VCAN: variants seen among roughly 807,000 people sequenced by gnomAD.
The protein encoded by VCAN is versican core protein.
Under a neutral mutation model 245.5 loss-of-function variants are expected in VCAN, and 44 were observed. The ratio of observed to expected loss-of-function variants is 0.18; its 90% CI spans 0.14 to 0.23. VCAN has a LOEUF of 0.23. Ranked by LOEUF, VCAN falls within the 10% of genes least tolerant of loss-of-function variation. The probability of loss-of-function intolerance (pLI) is 1.00; values close to 1 mark genes in which losing one functional copy is unlikely to be tolerated. For synonymous variants in VCAN, 1,413 were observed against 1,437.0 expected (o/e 0.98, Z 0.38); for missense variants, 3,793 against 4,057.9 (o/e 0.93, Z 1.77).
chr5:83,517,707 A>G (rs923852075), intron 6 of VCAN, among the ~76,000 whole-genome samples: 1 of 152,184 alleles, frequency 6.6e-6, no homozygotes, highest in Non-Finnish European at 1.5e-5. Context: ...AGGGGAGGAA[A>G]AGGTTATTTA....
chr5:83,530,879 G>A (rs1251368897), intron 7 of VCAN, among the ~76,000 whole-genome samples: 1 of 152,086 alleles, frequency 6.6e-6, no homozygotes, highest in Non-Finnish European at 1.5e-5. Context: ...GGGGCATCAT[G>A]TGGTCATCTG....
At chr5:83,573,687 A>C (rs2112501402) in intron 13 of VCAN, among the ~76,000 whole-genome samples, 1 of 152,318 alleles carries the variant, frequency 6.6e-6, no homozygotes, top group African/African-American at 2.4e-5. Flanking sequence ...ATTTTCAAGC[A>C]TAAGCACTCA....
chr5:83,485,033 C>A (rs1044251812), intron 2 of VCAN, among the ~76,000 whole-genome samples: 7 of 152,088 alleles, frequency 4.6e-5, no homozygotes, highest in African/African-American at 1.7e-4. Context: ...TAATAACACC[C>A]AAAACTTGAA....
intron 12 of VCAN, among the ~76,000 whole-genome samples, chr5:83,570,225 A>T (rs1748238217): frequency 6.6e-6 from 1 of 151,618 alleles, no homozygotes; most frequent in African/African-American, 2.4e-5. Context: ...TCACTTCTGG[A>T]TTAGGTTTTT....
chr5:83,494,051 T>G, intron 5 of VCAN, 120 bp downstream of exon 5: 2 of 1,512,974 alleles, frequency 1.3e-6, no homozygotes, highest in Non-Finnish European at 1.8e-6. Context: ...GGCATTTTGT[T>G]TATACGACTG....
intron 9 of VCAN, among the ~76,000 whole-genome samples, chr5:83,547,479 TA>T (rs1462205479): frequency 2.6e-5 from 4 of 152,132 alleles, no homozygotes; most frequent in Admixed American, 1.3e-4. Context: ...TGACTGTGTC[TA>T]AAAAAGATGA....
At chr5:83,556,203 CACCTGTTTTACAG>C (rs756279849) in intron 12 of VCAN, among the ~76,000 whole-genome samples, 3 of 152,132 alleles carry the variant, frequency 2.0e-5, no homozygotes, top group Non-Finnish European at 4.4e-5. Flanking sequence ...GGTTTTCCTT[CACCTGTTTTACAG>C]GTAAAGAAAG....
At position 83,538,220 on chromosome 5, in the gene VCAN, G is replaced by C; in HGVS notation, c.5217G>C (p.Glu1739Asp). ...EGTTGTASTFEVYSSTQRSDQ... is the reference protein window; with the variant it reads ...EGTTGTASTFDVYSSTQRSDQ... ...CTACAGGTACGGCTTCTACATTTGA[G>C]GTATATTCATCTACACAGAGATCGG... The change falls in exon 8 of 15, where the codon GAG becomes GAC. Residue 1739 changes from glutamate to aspartate, a missense_variant. Coordinates refer to ENST00000265077, the MANE Select transcript of VCAN (RefSeq NM_004385.5). The C allele has an allele frequency of 6.2e-7, 1 of 1,613,208 alleles. No homozygotes were observed. The highest frequency in any genetic ancestry group is 8.5e-7 in the Non-Finnish European group (1 of 1,179,772).
In VCAN at chr5:83,540,755, A is replaced by G; in HGVS notation, c.7752A>G (p.Lys2584=). ...KNTIIDIDHT[K]PVYEDILGMQ... ...CTATCATAGATATTGATCATACTAAACCTGTGTATGAAGACATTCTTGGAA... is the reference window on the plus strand; with the variant it reads ...CTATCATAGATATTGATCATACTAAGCCTGTGTATGAAGACATTCTTGGAA... The change falls in exon 8 of 15, where the codon AAA becomes AAG. Residue 2584 remains lysine, a synonymous_variant. Transcript: ENST00000265077. The G allele has an allele frequency of 6.2e-7, 1 of 1,613,950 alleles. No homozygotes were observed. The highest frequency in any genetic ancestry group is 8.5e-7 in the Non-Finnish European group (1 of 1,179,938).
chr5:83,550,755 CG>C (rs1747428578), intron 10 of VCAN, among the ~76,000 whole-genome samples: 1 of 151,706 alleles, frequency 6.6e-6, no homozygotes, highest in South Asian at 2.1e-4. Context: ...GGTGTGGTGG[CG>C]GGTGCCTGTA....
At chr5:83,533,439 G>A (rs1746597545) in intron 7 of VCAN, among the ~76,000 whole-genome samples, 1 of 152,118 alleles carries the variant, frequency 6.6e-6, no homozygotes. Context: ...GGGGCAAGGA[G>A]AGACTTGGAA....
chr5:83,571,951 A>G (rs1748304300), intron 12 of VCAN, among the ~76,000 whole-genome samples: 1 of 152,190 alleles, frequency 6.6e-6, no homozygotes, highest in Non-Finnish European at 1.5e-5. Context: ...AAGTTACTTT[A>G]TAGTAGTACA....
At chr5:83,567,932 A>G (rs1005253247) in intron 12 of VCAN, among the ~76,000 whole-genome samples, 5 of 152,192 alleles carry the variant, frequency 3.3e-5, no homozygotes, top group African/African-American at 1.2e-4. Flanking sequence ...ATTCAAAGTG[A>G]AAAATAAAGA....
intron 12 of VCAN, among the ~76,000 whole-genome samples, chr5:83,559,924 CTAAAT>C (rs1387046037): frequency 6.6e-6 from 1 of 151,014 alleles, no homozygotes; most frequent in Admixed American, 6.6e-5. Context: ...CATTTTTTGC[CTAAAT>C]TAAAGATTTT....
chr5:83,513,019 C>T (rs1194506085), intron 6 of VCAN: 1 of 152,282 alleles, frequency 6.6e-6, no homozygotes, highest in African/African-American at 2.4e-5. Context: ...AACAGAGTAT[C>T]TTTAGTTAGG....
At chr5:83,513,845 G>T (rs980062277) in intron 6 of VCAN, among the ~76,000 whole-genome samples, 6 of 152,152 alleles carry the variant, frequency 3.9e-5, no homozygotes, top group African/African-American at 9.7e-5. Flanking sequence ...AAATCAGATT[G>T]GTATGCTGTG....
chr5:83,476,709 A>G (rs894161166), intron 1 of VCAN, among the ~76,000 whole-genome samples: 6 of 152,010 alleles, frequency 3.9e-5, no homozygotes, highest in African/African-American at 1.4e-4. Flanking sequence ...GTGTGTATGT[A>G]TACAGGGTTT....
chr5:83,560,809 C>T (rs1007999151), intron 12 of VCAN, among the ~76,000 whole-genome samples: 3 of 152,060 alleles, frequency 2.0e-5, no homozygotes, highest in African/African-American at 4.8e-5. Context: ...TCTCACGAGG[C>T]GATTCTCTGG....
intron 13 of VCAN, among the ~76,000 whole-genome samples, chr5:83,573,050 C>T (rs867422021): frequency 1.3e-5 from 2 of 151,682 alleles, no homozygotes; most frequent in Non-Finnish European, 2.9e-5. Flanking sequence ...CAGGCGTGCA[C>T]CATCACACCC....
Sources: gnomAD v4.1 joint callset for allele counts (sites outside exome capture counted in the v4.1 genomes callset) on GRCh38, gnomAD v4.1.1 for gene constraint, MANE v1.5 for transcripts, NCBI Gene and HGNC (gene_info 2026-07-23, HGNC 2026-07-21) for gene names.